The following MAPK14 variants were observed in gnomAD, a reference collection of about 807,000 sequenced individuals.
MAPK14 encodes CSAID-binding protein.
MAPK14 carries 16 observed loss-of-function variants against 49.6 expected under a neutral mutation model. That is an observed-to-expected ratio of 0.32 (90% CI 0.22 to 0.49). MAPK14 has a LOEUF of 0.49. MAPK14 is among the 20% of genes least tolerant of loss of function. MAPK14 has a pLI of 0.99. For missense variants in MAPK14, 200 were observed against 441.2 expected, an observed-to-expected ratio of 0.45 and a Z score of 4.90; for synonymous variants, 142 against 158.0, an observed-to-expected ratio of 0.90 and a Z score of 0.76.
intron 8 of MAPK14, chr6:36,092,663 T>C: frequency 2.7e-6 from 1 of 371,898 alleles, no homozygotes. Context: ...CAAACTAGTC[T>C]TTACAGCCCT....
intron 10 of MAPK14, among the ~76,000 whole-genome samples, chr6:36,102,953 C>A (rs1186774091): frequency 6.6e-6 from 1 of 152,140 alleles, no homozygotes; most frequent in African/African-American, 2.4e-5. Context: ...GAAGCAGATA[C>A]AGAAGAAAGC....
intron 9 of MAPK14, 184 bp downstream of exon 9, chr6:36,096,250 C>A: frequency 1.9e-6 from 1 of 533,660 alleles, no homozygotes; most frequent in Non-Finnish European, 3.3e-6. Context: ...TGCCTGCTTG[C>A]ATGCACAAGT....
At chr6:36,073,252 C>T (rs1274038039) in intron 4 of MAPK14, 1 of 455,368 alleles carries the variant, frequency 2.2e-6, no homozygotes, top group Non-Finnish European at 3.9e-6. Context: ...TCCATAGATA[C>T]TTCAGTTTGC....
intron 1 of MAPK14, among the ~76,000 whole-genome samples, chr6:36,030,221 A>G (rs545047009): frequency 2.6e-5 from 4 of 151,376 alleles, no homozygotes; most frequent in South Asian, 4.1e-4. Flanking sequence ...GCACTGGAAC[A>G]GGAGATTCAG....
At chr6:36,068,666 A>G (rs897556919) in intron 3 of MAPK14, among the ~76,000 whole-genome samples, 1 of 152,148 alleles carries the variant, frequency 6.6e-6, no homozygotes, top group African/African-American at 2.4e-5. Context: ...GATATCGAAG[A>G]GTTTTTTCTA....
At chr6:36,121,623 C>A in the MAPK14 span, among the ~76,000 whole-genome samples, 1 of 152,218 alleles carries the variant, frequency 6.6e-6, no homozygotes, top group Non-Finnish European at 1.5e-5. Context: ...CACCTGTGCT[C>A]GGGCTGACAG....
intron 8 of MAPK14, among the ~76,000 whole-genome samples, chr6:36,088,143 CTT>C (rs1294313471): frequency 2.0e-5 from 3 of 152,022 alleles, no homozygotes; most frequent in Non-Finnish European, 4.4e-5. Context: ...GGATTAAAGA[CTT>C]AAATGTAGAA....
At chr6:36,102,487 C>G (rs748617355) in intron 9 of MAPK14, 84 bp from the exon 10 acceptor site, 1 of 1,019,684 alleles carries the variant, frequency 9.8e-7, no homozygotes, top group African/African-American at 1.6e-5. Flanking sequence ...AGTTAACACT[C>G]GTTCCTTAGC....
chr6:36,107,397 G>A lies in MAPK14; in HGVS notation c.842-58G>A. 8.0e-7 allele frequency: 1 copy of A among 1,248,662 alleles called. No homozygotes were observed. 77.3% of individuals were successfully genotyped at this position (1,248,662 alleles called of 1,614,324 possible). A position where few individuals can be genotyped will look rare whatever the true frequency, so the allele number is the denominator to read the frequency against. ...GTCAAAACTATGTTTGCTCAATAAG[G>A]CATACTTTTTTGTAACATGTTAAAA... On this transcript the variant is annotated intron_variant, in intron 10 of 11. Coordinates refer to ENST00000229794, the MANE Select transcript of MAPK14 (RefSeq NM_139012.3). The surrounding 1 kb of genome is among the most constrained non-coding windows in gnomAD (Gnocchi z 4.3).
intron 8 of MAPK14, among the ~76,000 whole-genome samples, chr6:36,088,340 A>T (rs964039935): frequency 8.5e-5 from 13 of 152,346 alleles, no homozygotes; most frequent in African/African-American, 3.1e-4. Flanking sequence ...AATGGGAGAC[A>T]GTTTTTGCAA....
At chr6:36,076,665 GTGT>G in intron 8 of MAPK14, 57 bp downstream of exon 8, 1 of 1,305,404 alleles carries the variant, frequency 7.7e-7, no homozygotes. Flanking sequence ...GTGTCCATGG[GTGT>G]ATACTCCTTT....
At chr6:36,043,082 C>G (rs1763028402) in intron 1 of MAPK14, among the ~76,000 whole-genome samples, 1 of 151,768 alleles carries the variant, frequency 6.6e-6, no homozygotes, top group Non-Finnish European at 1.5e-5. Flanking sequence ...CGTGATCATG[C>G]CACCACACTC....
intron 9 of MAPK14, among the ~76,000 whole-genome samples, chr6:36,098,441 G>A (rs1765522903): frequency 6.6e-6 from 1 of 152,220 alleles, no homozygotes; most frequent in African/African-American, 2.4e-5. Context: ...GGGAGGCTGA[G>A]GCAGGAGGAT....
intron 3 of MAPK14, among the ~76,000 whole-genome samples, chr6:36,065,839 A>G (rs1239683992): frequency 6.6e-6 from 1 of 152,192 alleles, no homozygotes; most frequent in Non-Finnish European, 1.5e-5. Flanking sequence ...TTAACACATT[A>G]GGAAATATTT....
At chr6:36,054,805 T>TA (rs1554178632) in intron 2 of MAPK14, among the ~76,000 whole-genome samples, 2 of 152,328 alleles carry the variant, frequency 1.3e-5, no homozygotes, top group South Asian at 2.1e-4. Flanking sequence ...TCTTCTTTTT[T>TA]AAAAAATTAC....
intron 1 of MAPK14, among the ~76,000 whole-genome samples, chr6:36,047,147 A>G (rs1190112925): frequency 1.3e-5 from 2 of 152,244 alleles, no homozygotes; most frequent in East Asian, 1.9e-4. Flanking sequence ...GTGGAAAAGA[A>G]GAGAACCACC....
At chr6:36,069,951 A>G (rs1764204968) in intron 3 of MAPK14, among the ~76,000 whole-genome samples, 1 of 152,212 alleles carries the variant, frequency 6.6e-6, no homozygotes, top group Non-Finnish European at 1.5e-5. Context: ...AGTTCAAAGA[A>G]TAACCCTCTT....
intron 8 of MAPK14, among the ~76,000 whole-genome samples, chr6:36,091,202 C>G (rs1485522667): frequency 6.6e-6 from 1 of 151,706 alleles, no homozygotes; most frequent in African/African-American, 2.4e-5. Flanking sequence ...CTAGAATATC[C>G]CTCTTTTACT....
At chr6:36,075,787 T>G (rs756494969) in intron 6 of MAPK14, 61 bp from the exon 7 acceptor site, 1 of 1,609,270 alleles carries the variant, frequency 6.2e-7, no homozygotes, top group South Asian at 1.1e-5. Flanking sequence ...GTTGTTTTGT[T>G]TTTTTTTCCC....
Sources: allele counts gnomAD v4.1 joint callset (sites outside exome capture counted in the v4.1 genomes callset), GRCh38; gene constraint gnomAD v4.1.1; non-coding constraint Gnocchi (gnomAD v3.1); transcripts MANE v1.5; gene names NCBI Gene and HGNC (gene_info 2026-07-23, HGNC 2026-07-21).